The following ATP2C1 variants were observed in gnomAD, a reference collection of about 807,000 sequenced individuals.
ATP2C1 encodes ATPase secretory pathway Ca2+ transporting 1.
ATP2C1 carries 31 observed loss-of-function variants against 120.5 expected under a neutral mutation model. That is an observed-to-expected ratio of 0.26 (90% CI 0.19 to 0.35). The LOEUF (loss-of-function observed/expected upper bound fraction) is 0.35. Ranked by LOEUF, ATP2C1 falls within the 10% of genes least tolerant of loss-of-function variation. ATP2C1 has a pLI of 1.00. For missense variants in ATP2C1, 731 were observed against 1,107.5 expected, an observed-to-expected ratio of 0.66 and a Z score of 4.83; for synonymous variants, 351 against 358.7, an observed-to-expected ratio of 0.98 and a Z score of 0.24.
intron 17 of ATP2C1, among the ~76,000 whole-genome samples, chr3:130,974,992 G>A (rs112538549): frequency 3.0e-4 from 45 of 152,296 alleles, no homozygotes; most frequent in African/African-American, 9.4e-4. Flanking sequence ...GACGTATATA[G>A]TAGCTAATAG....
At chr3:130,868,031 G>C (rs2068256985) in intron 1 of ATP2C1, 1 of 154,750 alleles carries the variant, frequency 6.5e-6, no homozygotes, top group African/African-American at 2.5e-5. Flanking sequence ...CCCCGTCTGA[G>C]AAGTGAGGAG....
chr3:130,980,976 G>C (rs2061731807), intron 20 of ATP2C1, among the ~76,000 whole-genome samples: 2 of 152,196 alleles, frequency 1.3e-5, no homozygotes, highest in African/African-American at 4.8e-5. Flanking sequence ...TTAGAGGATG[G>C]AGAGAGATCA....
At chr3:131,016,183 T>A in exon 27 of ATP2C1, 1 of 1,614,178 alleles carries the variant, frequency 6.2e-7, no homozygotes. Flanking sequence ...GGACAGCAGC[T>A]GGTTGAGATA....
At chr3:130,951,952 T>G (rs899400870) in intron 8 of ATP2C1, among the ~76,000 whole-genome samples, 3 of 151,622 alleles carry the variant, frequency 2.0e-5, no homozygotes, top group Non-Finnish European at 4.4e-5. Context: ...TAAACTGTTA[T>G]TTTTGCAGTT....
chr3:130,903,560 G>A (rs1044366186), intron 2 of ATP2C1, among the ~76,000 whole-genome samples: 1 of 151,830 alleles, frequency 6.6e-6, no homozygotes, highest in East Asian at 1.9e-4. Flanking sequence ...TGGTCATGGT[G>A]GGGGAGGTAT....
chr3:130,955,128 C>T, intron 10 of ATP2C1, 48 bp downstream of exon 10: 1 of 1,266,600 alleles, frequency 7.9e-7, no homozygotes, highest in East Asian at 2.3e-5. Context: ...ATCTGAAATT[C>T]TTCATTGTAA....
intron 17 of ATP2C1, among the ~76,000 whole-genome samples, chr3:130,971,237 T>C (rs1292705505): frequency 6.6e-6 from 1 of 152,224 alleles, no homozygotes; most frequent in African/African-American, 2.4e-5. Context: ...TTTCAGGAAC[T>C]TTTAATGTAA....
chr3:130,931,452 T>A (rs1227975771), intron 3 of ATP2C1, among the ~76,000 whole-genome samples: 1 of 152,092 alleles, frequency 6.6e-6, no homozygotes, highest in East Asian at 1.9e-4. Context: ...AGAGTATAAA[T>A]TAATACCAAC....
chr3:130,882,881 T>A (rs189401956), intron 1 of ATP2C1, among the ~76,000 whole-genome samples: 7 of 152,238 alleles, frequency 4.6e-5, no homozygotes, highest in Non-Finnish European at 7.3e-5. Flanking sequence ...TTTGGAAGTA[T>A]TCCCTCCTCC....
intron 1 of ATP2C1, among the ~76,000 whole-genome samples, chr3:130,857,933 G>A (rs1576521267): frequency 6.6e-6 from 1 of 152,298 alleles, no homozygotes; most frequent in South Asian, 2.1e-4. Context: ...GAAGCTGACT[G>A]TGCAGCCTTC....
chr3:130,877,728 G>C (rs903807912), intron 1 of ATP2C1, among the ~76,000 whole-genome samples: 1 of 152,122 alleles, frequency 6.6e-6, no homozygotes, highest in African/African-American at 2.4e-5. Context: ...AAGTCAGTGT[G>C]GCGATTCCTC....
intron 11 of ATP2C1, among the ~76,000 whole-genome samples, chr3:130,958,938 A>G (rs919951458): frequency 6.6e-6 from 1 of 152,106 alleles, no homozygotes. Context: ...TCTTTTTTTC[A>G]TTGTATGAAC....
intron 2 of ATP2C1, among the ~76,000 whole-genome samples, chr3:130,901,189 C>G (rs1559898151): frequency 6.6e-6 from 1 of 152,112 alleles, no homozygotes; most frequent in Non-Finnish European, 1.5e-5. Flanking sequence ...GTGAGGGTTA[C>G]TGTTTACTTA....
At chr3:130,984,534 G>A (rs1399044175) in intron 20 of ATP2C1, among the ~76,000 whole-genome samples, 1 of 152,112 alleles carries the variant, frequency 6.6e-6, no homozygotes, top group South Asian at 2.1e-4. Context: ...TTTGGATGTT[G>A]TTACTAATAG....
At chr3:130,989,034 T>C (rs1241192350) in intron 20 of ATP2C1, among the ~76,000 whole-genome samples, 3 of 151,946 alleles carry the variant, frequency 2.0e-5, no homozygotes, top group Non-Finnish European at 4.4e-5. Context: ...TGGTGGATCA[T>C]AAGGTCAGGA....
At chr3:130,904,337 C>A (rs2058026718) in intron 2 of ATP2C1, among the ~76,000 whole-genome samples, 2 of 151,904 alleles carry the variant, frequency 1.3e-5, no homozygotes, top group South Asian at 4.1e-4. Flanking sequence ...ATCTGTTAAG[C>A]TTTTCAGTCT....
chr3:130,930,427 T>C lies in ATP2C1; in HGVS notation c.18T>C (p.Phe6=). The change falls in exon 3 of 28, where the codon TTT becomes TTC. Residue 6 remains phenylalanine (F), a synonymous_variant. Transcript: ENST00000510168. ...GTTTTACTTCCTAGGTTGCACGTTT[T>C]CAAAAAATACCTAATGGTGAAAATG... MKVAR[F]QKIPNGENET... is the part of the protein sequence containing the mutation. The C allele has an allele frequency of 4.3e-6, 7 of 1,610,924 alleles. No individual in the cohort carries two copies. The highest frequency in any genetic ancestry group is 5.1e-6 in the Non-Finnish European group (6 of 1,177,150).
At chr3:130,978,923 A>G (rs1005318570) in intron 18 of ATP2C1, among the ~76,000 whole-genome samples, 26 of 152,148 alleles carry the variant, frequency 1.7e-4, no homozygotes, top group Admixed American at 9.8e-4. Context: ...AATTAATTCT[A>G]TTTTTTAAAG....
intron 17 of ATP2C1, among the ~76,000 whole-genome samples, chr3:130,972,456 T>C (rs2061359620): frequency 6.6e-6 from 1 of 151,640 alleles, no homozygotes. Flanking sequence ...GCTTCTAGTC[T>C]TTTAGTTTCT....
Sources: gnomAD v4.1 joint callset for allele counts (sites outside exome capture counted in the v4.1 genomes callset) on GRCh38, gnomAD v4.1.1 for gene constraint, MANE v1.5 for transcripts, NCBI Gene and HGNC (gene_info 2026-07-23, HGNC 2026-07-21) for gene names.